Variants in PLD5 observed in about 807,000 individuals in gnomAD.
PLD5 encodes the protein inactive phospholipase D5.
A neutral mutation model predicts 61.1 loss-of-function variants in PLD5; 36 were observed. That is an observed-to-expected ratio of 0.59 (90% CI 0.45 to 0.78). The LOEUF is 0.78. Among genes scored for constraint, PLD5 ranks in the 30% least tolerant of loss-of-function variants. The pLI, the probability that PLD5 is intolerant of heterozygous loss-of-function variation, is 0.00. For missense variants in PLD5, 515 were observed against 644.4 expected (o/e 0.80, Z 2.17); for synonymous variants, 243 against 242.8 (o/e 1.00, Z -0.01).
At chr1:242,330,179 C>CA (rs1346271800) in intron 2 of PLD5, among the ~76,000 whole-genome samples, 1 of 152,188 alleles carries the variant, frequency 6.6e-6, no homozygotes, top group Non-Finnish European at 1.5e-5. Context: ...ATGGTTCCTT[C>CA]ATCAGCCATA....
At chr1:242,238,967 T>C (rs1671820097) in intron 4 of PLD5, among the ~76,000 whole-genome samples, 1 of 152,168 alleles carries the variant, frequency 6.6e-6, no homozygotes, top group African/African-American at 2.4e-5. Flanking sequence ...TCAAGTGGGA[T>C]ACCTGGAGCT....
At chr1:242,481,435 C>T (rs1043118517) in intron 1 of PLD5, among the ~76,000 whole-genome samples, 2 of 152,152 alleles carry the variant, frequency 1.3e-5, no homozygotes, top group Admixed American at 6.5e-5. Context: ...CTCAGAGGGT[C>T]CTACACCCAT....
In PLD5 at chr1:242,094,776, A is replaced by G. The variant is rs1021261868; in HGVS notation, c.1355-4666T>C. Among the ~76,000 whole-genome samples, 7 of 152,254 alleles carry G rather than the reference A, an allele frequency of 4.6e-5. No homozygotes were observed. In the East Asian group the frequency reaches 1.4e-3, roughly 29 times the overall value. ...TCATACACTATCTTGTTTAAGCCTCATAGCACCACTGAAGGGTGGGTGCTA... is the reference window on the plus strand; with the variant it reads ...TCATACACTATCTTGTTTAAGCCTCGTAGCACCACTGAAGGGTGGGTGCTA... On this transcript the variant is annotated intron_variant, in intron 9 of 9. Coordinates refer to ENST00000536534, the MANE Select transcript of PLD5 (RefSeq NM_001372062.1).
At position 242,318,505 on chromosome 1, in the gene PLD5, G is replaced by A. The variant is rs146413826; in HGVS notation, c.326+29601C>T. Among the ~76,000 whole-genome samples, 384 of 152,262 alleles carry A rather than the reference G, an allele frequency of 2.5e-3. 2 individuals carry two copies. Among genetic ancestry groups the A allele is most frequent in the African/African-American group, 9.0e-3 (374 of 41,566 alleles). On this transcript the variant is annotated intron_variant, in intron 2 of 9. Coordinates refer to ENST00000536534, the MANE Select transcript of PLD5 (RefSeq NM_001372062.1). Reference sequence around the variant, plus strand: ...CCAGCAAGCCTCGACACTTCGTTAGGCCAACTGGTTTCTTAGTTTGCATCT... The same window carrying A: ...CCAGCAAGCCTCGACACTTCGTTAGACCAACTGGTTTCTTAGTTTGCATCT...
At chr1:242,461,753 T>C (rs539291692) in intron 1 of PLD5, among the ~76,000 whole-genome samples, 3 of 152,312 alleles carry the variant, frequency 2.0e-5, no homozygotes, top group African/African-American at 7.2e-5. Flanking sequence ...CCAGCATCTG[T>C]TGTTTTTTGA....
intron 1 of PLD5, among the ~76,000 whole-genome samples, chr1:242,446,288 A>G (rs1415856742): frequency 1.3e-5 from 2 of 151,734 alleles, no homozygotes; most frequent in African/African-American, 4.8e-5. Context: ...AAAATAAAGA[A>G]CCTGGATGTG....
intron 1 of PLD5, among the ~76,000 whole-genome samples, chr1:242,422,599 T>C (rs754246160): frequency 6.6e-6 from 1 of 152,112 alleles, no homozygotes; most frequent in Non-Finnish European, 1.5e-5. Context: ...TTCCACAAGT[T>C]ACATTACACT....
chr1:242,500,767 G>T (rs1668528473), intron 1 of PLD5, among the ~76,000 whole-genome samples: 1 of 151,550 alleles, frequency 6.6e-6, no homozygotes, highest in African/African-American at 2.4e-5. Flanking sequence ...TCCGTAATAA[G>T]GTGGACTATG....
In PLD5 at chr1:242,173,384, T is replaced by C. The variant is rs1461901697; in HGVS notation, c.735+46604A>G. Among the ~76,000 whole-genome samples, 5 of 152,144 alleles carry C rather than the reference T, an allele frequency of 3.3e-5. 1 individual carries two copies. Among genetic ancestry groups the C allele is most frequent in the South Asian group, 4.2e-4 (2 of 4,812 alleles). On this transcript the variant is annotated intron_variant, in intron 5 of 9. Transcript: ENST00000536534. ...CTTCAAGGAGAACTACAAACCACTG[T>C]TCAACGAAATAAAAGAGGATACAAA... is the stretch of plus-strand genomic sequence containing the variant.
chr1:242,169,018 C>T (rs1666545959), intron 5 of PLD5, among the ~76,000 whole-genome samples: 1 of 151,898 alleles, frequency 6.6e-6, no homozygotes, highest in South Asian at 2.1e-4. Context: ...CTCCATGGGG[C>T]TGGGAGTGCT....
At chr1:242,528,994 T>C (rs1464519064), upstream of PLD5, among the ~76,000 whole-genome samples, 1 of 152,218 alleles carries the variant, frequency 6.6e-6, no homozygotes, top group Admixed American at 6.5e-5. Context: ...ATTACCCTTA[T>C]ACTATACAAG....
chr1:242,449,317 A>G (rs74803821), intron 1 of PLD5: 19,549 of 1,535,978 alleles, frequency 0.013, 177 homozygotes, highest in Non-Finnish European at 0.015. Context: ...TTCCCAGGTA[A>G]CACACTAGGT....
At chr1:242,338,136 C>T (rs1222567909) in intron 2 of PLD5, among the ~76,000 whole-genome samples, 4 of 152,074 alleles carry the variant, frequency 2.6e-5, no homozygotes, top group African/African-American at 9.7e-5. Flanking sequence ...TCTTTGTGAC[C>T]ATGGCAATTA....
intron 1 of PLD5, among the ~76,000 whole-genome samples, chr1:242,390,895 C>CA (rs11390492): frequency 0.56 from 85,195 of 151,798 alleles, 24,313 homozygotes; most frequent in Admixed American, 0.67. Context: ...TTATGGTAGT[C>CA]AAAGTTGTGA....
At chr1:242,336,844 AGAT>A (rs752216422) in intron 2 of PLD5, among the ~76,000 whole-genome samples, 1 of 152,236 alleles carries the variant, frequency 6.6e-6, no homozygotes, top group East Asian at 1.9e-4. Context: ...GGTAAATCTA[AGAT>A]GATGAGTTTT....
chr1:242,154,132 T>C (rs939721861), intron 5 of PLD5, among the ~76,000 whole-genome samples: 1 of 152,344 alleles, frequency 6.6e-6, no homozygotes, highest in East Asian at 1.9e-4. Flanking sequence ...AGTTCACTCA[T>C]GATTTGGCTG....
chr1:242,088,793 G>A lies in PLD5; in HGVS notation c.*1061C>T, dbSNP rs931379736. On this transcript the variant is annotated 3_prime_UTR_variant, in exon 10 of 10. Coordinates refer to ENST00000536534, the MANE Select transcript of PLD5 (RefSeq NM_001372062.1). ...TTCTTAGTAAAATATGTTAAGCACA[G>A]TATTTAAATTGCATTTCTCTGAAAA... 1 of 152,256 alleles carries A rather than the reference G, an allele frequency of 6.6e-6. No individual in the cohort carries two copies. Among genetic ancestry groups the A allele is most frequent in the Non-Finnish European group, 1.5e-5 (1 of 68,092 alleles). The allele number at this position is 152,256 out of a possible 1,614,324, so 9.4% of individuals were successfully genotyped here.
At chr1:242,439,437 A>G (rs1666168628) in intron 1 of PLD5, among the ~76,000 whole-genome samples, 1 of 152,196 alleles carries the variant, frequency 6.6e-6, no homozygotes, top group Admixed American at 6.5e-5. Flanking sequence ...AGGAGCCCAC[A>G]TCACTTCTGC....
intron 4 of PLD5, among the ~76,000 whole-genome samples, chr1:242,224,440 T>C (rs937849143): frequency 3.9e-5 from 6 of 152,282 alleles, no homozygotes; most frequent in African/African-American, 1.4e-4. Context: ...TTTTTTTCTA[T>C]AGTTATTTTT....
Sources: gnomAD v4.1 joint callset for allele counts (sites outside exome capture counted in the v4.1 genomes callset) on GRCh38, gnomAD v4.1.1 for gene constraint, MANE v1.5 for transcripts, NCBI Gene and HGNC (gene_info 2026-07-23, HGNC 2026-07-21) for gene names.